Variants in EFR3A observed in about 807,000 individuals in gnomAD.
EFR3A encodes the protein EFR3 homolog A, also known as protein EFR3 homolog A.
In EFR3A, 76 loss-of-function variants were observed where a neutral mutation model predicts 104.4. The observed-to-expected ratio is 0.73, with a 90% CI of 0.60 to 0.88. EFR3A has a LOEUF of 0.88. EFR3A is among the 40% of genes least tolerant of loss of function. The pLI is 0.00. For synonymous variants in EFR3A, 330 were observed against 330.0 expected (o/e 1.00, Z 0.00); for missense variants, 985 against 1,012.5 (o/e 0.97, Z 0.37).
At chr8:131,935,385 GTGGTGAAGACAGACACATATA>G in intron 1 of EFR3A, 2 of 263,234 alleles carry the variant, frequency 7.6e-6, no homozygotes, top group South Asian at 6.6e-5. Context: ...TCATATTCTG[GTGGTGAAGACAGACACATATA>G]TGTAAACGAG....
chr8:131,945,082 A>G lies in EFR3A; in HGVS notation c.215+210A>G, dbSNP rs148616251. Among the ~76,000 whole-genome samples, 713 of 152,094 alleles carry G rather than the reference A, an allele frequency of 4.7e-3. 2 individuals carry two copies. Among genetic ancestry groups the G allele is most frequent in the African/African-American group, 0.016 (679 of 41,524 alleles). ...GGTGGTCAGGTTTTGTGAGTAGACT[A>G]TGTTAGTTAACTGAGTTACTTTTTG... On this transcript the variant is annotated intron_variant, in intron 3 of 22. Coordinates refer to ENST00000254624, the MANE Select transcript of EFR3A (RefSeq NM_015137.6).
intron 4 of EFR3A, among the ~76,000 whole-genome samples, chr8:131,948,120 T>G (rs1818522714): frequency 6.6e-6 from 1 of 152,096 alleles, no homozygotes; most frequent in African/African-American, 2.4e-5. Context: ...ATTCAGAGTT[T>G]TAATAAAAAA....
chr8:132,007,143 G>A (rs745552170), intron 22 of EFR3A, among the ~76,000 whole-genome samples: 9 of 151,684 alleles, frequency 5.9e-5, no homozygotes, highest in Non-Finnish European at 1.3e-4. Context: ...TCTTAGGTAA[G>A]TAAAGTGAAA....
chr8:132,003,153 T>C, intron 21 of EFR3A, 83 bp from the exon 22 acceptor site: 1 of 1,129,068 alleles, frequency 8.9e-7, no homozygotes, highest in Admixed American at 2.0e-5. Flanking sequence ...ACAATTATAC[T>C]TTGTCTCTTA....
chr8:131,961,817 G>A (rs1438348081), intron 8 of EFR3A, among the ~76,000 whole-genome samples: 7 of 152,084 alleles, frequency 4.6e-5, no homozygotes, highest in South Asian at 2.1e-4. Flanking sequence ...GAGAAAGGTC[G>A]GGTTACCCAC....
At chr8:131,985,493 T>C (rs751766079) in intron 16 of EFR3A, among the ~76,000 whole-genome samples, 3 of 152,228 alleles carry the variant, frequency 2.0e-5, no homozygotes, top group Non-Finnish European at 2.9e-5. Flanking sequence ...TTTAGTTGTC[T>C]TTAGCAGTAA....
chr8:132,013,605 TTTAA>T lies in EFR3A; in HGVS notation c.*2715_*2718del, dbSNP rs1822459330. The T allele has an allele frequency of 6.6e-6, 1 of 152,496 alleles. No homozygotes were observed. The highest frequency in any genetic ancestry group is 1.5e-5 in the Non-Finnish European group (1 of 68,030). 9.4% of individuals were successfully genotyped at this position (152,496 alleles called of 1,614,324 possible). A position where few individuals can be genotyped will look rare whatever the true frequency, so the allele number is the denominator to read the frequency against. On this transcript the variant is annotated 3_prime_UTR_variant, in exon 23 of 23. Transcript: ENST00000254624. ...GTTCATTTTTATAGCTATTGTTACA[TTTAA>T]TTAAATTTATTCAATATTTGCTTAA...
chr8:131,919,244 C>G (rs192595131), intron 1 of EFR3A, among the ~76,000 whole-genome samples: 2 of 151,916 alleles, frequency 1.3e-5, no homozygotes, highest in African/African-American at 4.8e-5. Context: ...GTAAGTATAC[C>G]GAAGGAAATG....
At chr8:131,968,215 A>C in intron 8 of EFR3A, 80 bp from the exon 9 acceptor site, 1 of 1,364,240 alleles carries the variant, frequency 7.3e-7, no homozygotes, top group Non-Finnish European at 1.0e-6. Context: ...TTTACGTGTC[A>C]GGTGTTTTTT....
At chr8:131,959,512 C>G (rs1291204150) in intron 7 of EFR3A, 73 bp from the exon 8 acceptor site, 1 of 1,215,618 alleles carries the variant, frequency 8.2e-7, no homozygotes, top group South Asian at 1.4e-5. Flanking sequence ...TAAGCTTTTC[C>G]TATTGTTGAG....
At chr8:131,940,194 T>A (rs1818094518) in intron 1 of EFR3A, 1 of 289,126 alleles carries the variant, frequency 3.5e-6, no homozygotes, top group Admixed American at 4.5e-5. Context: ...ATGCCGGAGT[T>A]GCGGGCAGAT....
intron 9 of EFR3A, among the ~76,000 whole-genome samples, chr8:131,969,785 A>G (rs969535323): frequency 3.3e-5 from 5 of 152,204 alleles, no homozygotes; most frequent in Non-Finnish European, 7.4e-5. Context: ...GAATCATCAC[A>G]TCGATTAATG....
intron 1 of EFR3A, among the ~76,000 whole-genome samples, chr8:131,906,403 G>A (rs1318627803): frequency 4.6e-5 from 7 of 152,218 alleles, no homozygotes; most frequent in South Asian, 2.1e-4. Context: ...ATAAGCCCAA[G>A]CCAGTTAATC....
intron 18 of EFR3A, among the ~76,000 whole-genome samples, chr8:131,994,478 A>T (rs1821375744): frequency 6.6e-6 from 1 of 152,164 alleles, no homozygotes; most frequent in South Asian, 2.1e-4. Flanking sequence ...CATGCATTAT[A>T]ATTTAATGTG....
chr8:131,941,401 T>G (rs1030847097), intron 2 of EFR3A, among the ~76,000 whole-genome samples: 1 of 152,092 alleles, frequency 6.6e-6, no homozygotes, highest in Non-Finnish European at 1.5e-5. Context: ...TGTAACAAAC[T>G]GTATAAAGCT....
At chr8:132,001,568 A>C (rs1219273258) in intron 19 of EFR3A, among the ~76,000 whole-genome samples, 191 bp from the exon 20 acceptor site, 3 of 152,178 alleles carry the variant, frequency 2.0e-5, no homozygotes, top group African/African-American at 7.2e-5. Context: ...CACTGCAGTA[A>C]GCCATTGTTA....
At chr8:131,942,811 G>A (rs1818227072) in intron 2 of EFR3A, among the ~76,000 whole-genome samples, 1 of 151,990 alleles carries the variant, frequency 6.6e-6, no homozygotes, top group Admixed American at 6.6e-5. Flanking sequence ...GAATTATCCA[G>A]GTGAACTGGA....
chr8:131,987,903 A>T lies in EFR3A; in HGVS notation c.2065+201A>T, dbSNP rs1465943133. ...TCAGTAAATCTCTAACGACATAGAT[A>T]TGATTTTACCAGGAGCAAATCAAGT... is the stretch of plus-strand genomic sequence containing the variant. On this transcript the variant is annotated intron_variant, in intron 18 of 22. Coordinates refer to ENST00000254624, the MANE Select transcript of EFR3A (RefSeq NM_015137.6). 3.9e-5 allele frequency among the ~76,000 whole-genome samples: 6 copies of T among 152,278 alleles called. No homozygotes were observed. The South Asian group carries it at 6.2e-4, about 16-fold the overall frequency.
chr8:131,956,354 T>C (rs1205858626), intron 7 of EFR3A, among the ~76,000 whole-genome samples: 1 of 152,188 alleles, frequency 6.6e-6, no homozygotes, highest in Non-Finnish European at 1.5e-5. Context: ...ATCTTTTACA[T>C]AGTGATTAAT....
Sources: allele counts gnomAD v4.1 joint callset (sites outside exome capture counted in the v4.1 genomes callset), GRCh38; gene constraint gnomAD v4.1.1; transcripts MANE v1.5; gene names NCBI Gene and HGNC (gene_info 2026-07-23, HGNC 2026-07-21).